The following GALNTL6 variants were observed in gnomAD, a reference collection of about 807,000 sequenced individuals.
The protein encoded by GALNTL6 is polypeptide N-acetylgalactosaminyltransferase like 6.
GALNTL6 carries 46 observed loss-of-function variants against 73.7 expected under a neutral mutation model. The ratio of observed to expected loss-of-function variants is 0.62; its 90% confidence interval spans 0.49 to 0.80. The LOEUF (loss-of-function observed/expected upper bound fraction) is 0.80, where lower values mean the gene tolerates loss of function less well. GALNTL6 is among the 30% of genes least tolerant of loss of function. GALNTL6 has a pLI of 0.00. For missense variants in GALNTL6, 604 were observed against 755.0 expected (o/e 0.80, Z 2.34); for synonymous variants, 259 against 263.7 (o/e 0.98, Z 0.17).
intron 5 of GALNTL6, among the ~76,000 whole-genome samples, chr4:172,552,237 A>G (rs965144080): frequency 2.6e-5 from 4 of 152,120 alleles, no homozygotes; most frequent in Non-Finnish European, 5.9e-5. Flanking sequence ...GCCCAGTTAC[A>G]TCTTTCATGC....
At chr4:172,629,855 T>C (rs185676565) in intron 5 of GALNTL6, among the ~76,000 whole-genome samples, 1 of 152,336 alleles carries the variant, frequency 6.6e-6, no homozygotes, top group East Asian at 1.9e-4. Flanking sequence ...ACTTGTGTTT[T>C]ATGGATTCAA....
At chr4:171,821,640 G>GATATATATATATATATATATATATAT (rs3080305) in intron 2 of GALNTL6, among the ~76,000 whole-genome samples, 1 of 146,210 alleles carries the variant, frequency 6.8e-6, no homozygotes, top group Non-Finnish European at 1.5e-5. Context: ...AGGCTTAACG[G>GATATATATATATATATATATATATAT]ATATATATAT....
intron 5 of GALNTL6, among the ~76,000 whole-genome samples, chr4:172,759,767 C>T (rs532111180): frequency 6.8e-6 from 1 of 146,468 alleles, no homozygotes; most frequent in East Asian, 2.0e-4. Flanking sequence ...CCTCATAAAT[C>T]CTGCACCTGC....
At chr4:172,379,399 G>C (rs987357584) in intron 5 of GALNTL6, among the ~76,000 whole-genome samples, 1 of 151,718 alleles carries the variant, frequency 6.6e-6, no homozygotes, top group Non-Finnish European at 1.5e-5. Context: ...GCACGGTGGC[G>C]GGCGCCTGTA....
At chr4:172,157,233 T>A (rs554869273) in intron 2 of GALNTL6, among the ~76,000 whole-genome samples, 2 of 152,338 alleles carry the variant, frequency 1.3e-5, no homozygotes, top group South Asian at 4.1e-4. Context: ...GTAGGTAATG[T>A]GCCTACAGCA....
At chr4:172,675,977 A>G (rs942802435) in intron 5 of GALNTL6, among the ~76,000 whole-genome samples, 1 of 152,218 alleles carries the variant, frequency 6.6e-6, no homozygotes, top group Non-Finnish European at 1.5e-5. Flanking sequence ...AAAGTTAGCA[A>G]AAAGAAAGAG....
chr4:172,138,477 C>CCATATATATATATA (rs1553995882), intron 2 of GALNTL6, among the ~76,000 whole-genome samples: 2 of 8,696 alleles, frequency 2.3e-4, no homozygotes, highest in African/African-American at 7.7e-4. Flanking sequence ...CTTGGACTGC[C>CCATATATATATATA]TATATATATA....
At chr4:172,205,121 A>G (rs1190298024) in intron 2 of GALNTL6, among the ~76,000 whole-genome samples, 4 of 152,222 alleles carry the variant, frequency 2.6e-5, no homozygotes, top group Admixed American at 2.6e-4. Flanking sequence ...TGTTTTCTCC[A>G]ACACTAGAAT....
chr4:172,051,937 T>C (rs1730884878), intron 2 of GALNTL6, among the ~76,000 whole-genome samples: 1 of 152,142 alleles, frequency 6.6e-6, no homozygotes, highest in Non-Finnish European at 1.5e-5. Context: ...TTTCCAGCAT[T>C]GACAGGGCTC....
intron 2 of GALNTL6, among the ~76,000 whole-genome samples, chr4:171,892,009 C>G (rs928157671): frequency 6.6e-6 from 1 of 152,166 alleles, no homozygotes; most frequent in African/African-American, 2.4e-5. Context: ...CATAATGCCA[C>G]AAGTGGAAAA....
chr4:172,748,610 C>T (rs933336434), intron 5 of GALNTL6, among the ~76,000 whole-genome samples: 5 of 151,922 alleles, frequency 3.3e-5, no homozygotes, highest in East Asian at 3.9e-4. Flanking sequence ...GCTGGGGTTA[C>T]GGGTAGATAC....
intron 8 of GALNTL6, among the ~76,000 whole-genome samples, chr4:172,895,578 T>C (rs1404739040): frequency 6.6e-6 from 1 of 152,064 alleles, no homozygotes; most frequent in Non-Finnish European, 1.5e-5. Context: ...AGTTTGATTA[T>C]AATATGTTTT....
chr4:171,828,349 G>A (rs1040800393), intron 2 of GALNTL6, among the ~76,000 whole-genome samples: 2 of 152,020 alleles, frequency 1.3e-5, no homozygotes, highest in Admixed American at 1.3e-4. Context: ...TCATATTTCT[G>A]GCCATGCTTA....
At chr4:172,581,366 T>C (rs1435646959) in intron 5 of GALNTL6, among the ~76,000 whole-genome samples, 3 of 152,194 alleles carry the variant, frequency 2.0e-5, no homozygotes, top group Non-Finnish European at 4.4e-5. Context: ...GCTTCACTTA[T>C]AGACTCTCCT....
chr4:171,929,207 G>T (rs1738091701), intron 2 of GALNTL6, among the ~76,000 whole-genome samples: 1 of 151,974 alleles, frequency 6.6e-6, no homozygotes, highest in Non-Finnish European at 1.5e-5. Flanking sequence ...GCTGGGACTA[G>T]AGGCCCACGC....
intron 5 of GALNTL6, chr4:172,380,166 T>G: frequency 9.6e-7 from 1 of 1,038,962 alleles, no homozygotes; most frequent in Non-Finnish European, 1.5e-6. Context: ...AAGGCCTGGA[T>G]CCGTAGCAGA....
chr4:172,713,050 T>C (rs1184595691), intron 5 of GALNTL6, among the ~76,000 whole-genome samples: 1 of 152,186 alleles, frequency 6.6e-6, no homozygotes, highest in Non-Finnish European at 1.5e-5. Context: ...AGGTACACAG[T>C]GCTCCCTATC....
intron 5 of GALNTL6, among the ~76,000 whole-genome samples, chr4:172,458,643 C>G (rs911781785): frequency 6.6e-6 from 1 of 152,122 alleles, no homozygotes; most frequent in South Asian, 2.1e-4. Context: ...AATTCCTGGA[C>G]ACATACACCC....
At position 172,745,535 on chromosome 4, in the gene GALNTL6, T is replaced by A. The variant is rs1412696358; in HGVS notation, c.554-63826T>A. On this transcript the variant is annotated intron_variant, in intron 5 of 12. Coordinates refer to ENST00000506823, the MANE Select transcript of GALNTL6 (RefSeq NM_001034845.3). ...TCTGACCAGCAGTGTGAAGAATGAA[T>A]TGGAGGTAAACTACTGTGGCAGGAG... is the stretch of plus-strand genomic sequence containing the variant. Among the ~76,000 whole-genome samples the A allele has an allele frequency of 2.6e-5, 4 of 151,638 alleles. No individual in the cohort carries two copies. The South Asian group carries it at 8.4e-4, about 32-fold the overall frequency.
Sources: allele counts gnomAD v4.1 joint callset (sites outside exome capture counted in the v4.1 genomes callset), GRCh38; gene constraint gnomAD v4.1.1; transcripts MANE v1.5; gene names NCBI Gene and HGNC (gene_info 2026-07-23, HGNC 2026-07-21).